Variants in GPHN observed in about 807,000 individuals in gnomAD.
The protein encoded by GPHN is gephyrin.
Under a neutral mutation model 95.5 loss-of-function variants are expected in GPHN, and 17 were observed. The observed-to-expected ratio is 0.18, with a 90% CI of 0.12 to 0.27. GPHN has a LOEUF of 0.27. Ranked by LOEUF, GPHN falls within the 10% of genes least tolerant of loss-of-function variation. The pLI is 1.00. For missense variants in GPHN, 660 were observed against 978.1 expected (o/e 0.67, Z 4.34); for synonymous variants, 320 against 322.5 (o/e 0.99, Z 0.08).
chr14:66,606,231 C>T (rs2062528791), intron 1 of GPHN, among the ~76,000 whole-genome samples: 1 of 152,110 alleles, frequency 6.6e-6, no homozygotes, highest in African/African-American at 2.4e-5. Context: ...TATCCCAGCA[C>T]CATTTATTGA....
At chr14:66,868,101 CTTAACAAAGTTATTA>C (rs2063294909) in intron 4 of GPHN, among the ~76,000 whole-genome samples, 1 of 152,078 alleles carries the variant, frequency 6.6e-6, no homozygotes, top group Non-Finnish European at 1.5e-5. Flanking sequence ...ACTTTGATAA[CTTAACAAAGTTATTA>C]TTAATAGTAG....
rs540067795 is a variant in GPHN, at chr14:66,739,218, CTT to C, written c.144-37231_144-37230del. ...AAAAAATTTACATTTTTTCTTACAG[CTT>C]TTTTTTTTTTTTTTGAGACAGAGTC... On this transcript the variant is annotated intron_variant, in intron 2 of 22. Transcript: ENST00000478722. Among the ~76,000 whole-genome samples the C allele has an allele frequency of 3.4e-4, 46 of 134,550 alleles. No homozygotes were observed. The East Asian group carries it at 4.7e-3, about 14-fold the overall frequency. 88.3% of individuals were successfully genotyped at this position (134,550 alleles called of 152,430 possible).
At chr14:67,018,546 A>G (rs2073432294) in intron 9 of GPHN, among the ~76,000 whole-genome samples, 1 of 152,216 alleles carries the variant, frequency 6.6e-6, no homozygotes, top group Admixed American at 6.5e-5. Context: ...CTTAGATTAT[A>G]TGGCTTGCAT....
At chr14:67,311,868 G>T in the GPHN span, 47,535 of 152,332 alleles carry the variant, frequency 0.31, 11,390 homozygotes, top group African/African-American at 0.65. Flanking sequence ...TTTAGTCGTT[G>T]ATAGTGTGCT....
chr14:66,545,056 C>T (rs957203681), intron 1 of GPHN, among the ~76,000 whole-genome samples: 1 of 152,368 alleles, frequency 6.6e-6, no homozygotes, highest in East Asian at 1.9e-4. Flanking sequence ...CACAAAACCG[C>T]CATTGTCATC....
the GPHN span, chr14:67,360,344 G>C: frequency 2.0e-5 from 8 of 397,592 alleles, no homozygotes; most frequent in Non-Finnish European, 2.7e-5. Flanking sequence ...GGTGGAGTGA[G>C]CGAAGCGCAC....
the GPHN span, chr14:67,573,191 G>A: frequency 1.3e-6 from 1 of 799,452 alleles, no homozygotes; most frequent in Non-Finnish European, 2.2e-6. The surrounding 1 kb of genome is among the most constrained non-coding windows in gnomAD (Gnocchi z 4.8). Flanking sequence ...CGAGTAGTGA[G>A]GCAGCTGGAC....
the GPHN span, among the ~76,000 whole-genome samples, chr14:67,229,108 T>C: frequency 8.5e-5 from 13 of 152,334 alleles, no homozygotes; most frequent in African/African-American, 3.1e-4. Flanking sequence ...AAAGTGAAGC[T>C]TAGAGGTTAA....
chr14:67,652,980 C>T, the GPHN span, among the ~76,000 whole-genome samples: 9 of 151,954 alleles, frequency 5.9e-5, no homozygotes, highest in African/African-American at 2.2e-4. Flanking sequence ...TTAGTAGAGA[C>T]GGGTTTCACC....
chr14:67,356,152 G>C, the GPHN span, among the ~76,000 whole-genome samples: 1 of 152,052 alleles, frequency 6.6e-6, no homozygotes, highest in Non-Finnish European at 1.5e-5. Context: ...AGGTGCAGTG[G>C]CTCACACCTG....
At chr14:66,554,720 T>C (rs1337892681) in intron 1 of GPHN, among the ~76,000 whole-genome samples, 1 of 152,184 alleles carries the variant, frequency 6.6e-6, no homozygotes, top group Admixed American at 6.5e-5. Context: ...CTGTCAATTA[T>C]ATAGTCAGGG....
At chr14:66,823,918 T>C (rs952793812) in intron 3 of GPHN, among the ~76,000 whole-genome samples, 7 of 152,240 alleles carry the variant, frequency 4.6e-5, no homozygotes, top group Non-Finnish European at 1.5e-5. Flanking sequence ...TTGCCCTTTT[T>C]AGCAAATAGC....
chr14:66,667,277 A>G (rs1373232135), intron 1 of GPHN, among the ~76,000 whole-genome samples: 1 of 152,158 alleles, frequency 6.6e-6, no homozygotes, highest in Non-Finnish European at 1.5e-5. Context: ...TCTGTAAACT[A>G]CCATTCACAG....
chr14:67,648,502 C>CAAGAT, the GPHN span: 2 of 196,202 alleles, frequency 1.0e-5, no homozygotes, highest in Non-Finnish European at 2.1e-5. Context: ...GATAAGAAGG[C>CAAGAT]AAGATAAGAT....
At chr14:67,222,999 C>CTT in the GPHN span, among the ~76,000 whole-genome samples, 7,504 of 124,676 alleles carry the variant, frequency 0.06, 331 homozygotes, top group African/African-American at 0.092. Flanking sequence ...TCCCATTGGG[C>CTT]TTTTTTTTTT....
At chr14:67,713,814 T>C in the GPHN span, among the ~76,000 whole-genome samples, 1 of 152,120 alleles carries the variant, frequency 6.6e-6, no homozygotes, top group Non-Finnish European at 1.5e-5. Flanking sequence ...ATATGTAAAA[T>C]GAACATCGGT....
chr14:66,541,518 T>A (rs1173204344), intron 1 of GPHN, among the ~76,000 whole-genome samples: 1 of 152,140 alleles, frequency 6.6e-6, no homozygotes, highest in Non-Finnish European at 1.5e-5. Flanking sequence ...AAGGTTAAGT[T>A]TATATAGTCA....
chr14:66,785,021 A>G (rs1183063776), intron 3 of GPHN, among the ~76,000 whole-genome samples: 2 of 152,236 alleles, frequency 1.3e-5, no homozygotes, highest in African/African-American at 4.8e-5. Flanking sequence ...AGTAAGCAAT[A>G]GGATACAGAA....
chr14:67,238,269 CT>C, the GPHN span, among the ~76,000 whole-genome samples: 253 of 125,202 alleles, frequency 2.0e-3, no homozygotes, highest in South Asian at 5.9e-3. Context: ...TTCTTGCTTT[CT>C]TTTTTTTTTT....
Sources: gnomAD v4.1 joint callset for allele counts (sites outside exome capture counted in the v4.1 genomes callset) on GRCh38, gnomAD v4.1.1 for gene constraint, Gnocchi (gnomAD v3.1) non-coding constraint, MANE v1.5 for transcripts, NCBI Gene and HGNC (gene_info 2026-07-23, HGNC 2026-07-21) for gene names.